The following FAT3 variants were observed in gnomAD, a reference collection of about 807,000 sequenced individuals.
FAT3 encodes FAT atypical cadherin 3.
FAT3 carries 95 observed loss-of-function variants against 310.2 expected under a neutral mutation model. The ratio of observed to expected loss-of-function variants is 0.31; its 90% confidence interval spans 0.26 to 0.36. The LOEUF is 0.36. Among genes scored for constraint, FAT3 ranks in the 10% least tolerant of loss-of-function variants. The pLI is 1.00. For synonymous variants in FAT3, 2,314 were observed against 2,192.9 expected (o/e 1.06, Z -1.54); for missense variants, 5,408 against 5,715.6 (o/e 0.95, Z 1.74).
chr11:92,260,257 C>T lies in FAT3; in HGVS notation c.-18+35083C>T, dbSNP rs934298438. Among the ~76,000 whole-genome samples, 170 of 151,756 alleles carry T rather than the reference C, an allele frequency of 1.1e-3. 12 individuals carry two copies. Among genetic ancestry groups the T allele is most frequent in the Non-Finnish European group, 2.9e-5 (2 of 67,914 alleles). ...TGGTGTGTGTGTGTGAGTGTACAAGCGTGTGTGTGTTTTAAGAGCGGTCAT... is the reference window on the plus strand; with the variant it reads ...TGGTGTGTGTGTGTGAGTGTACAAGTGTGTGTGTGTTTTAAGAGCGGTCAT... On this transcript the variant is annotated intron_variant, in intron 1 of 27. Coordinates refer to ENST00000525166, the MANE Select transcript of FAT3 (RefSeq NM_001367949.2).
chr11:92,728,822 G>T (rs548376042), intron 4 of FAT3, among the ~76,000 whole-genome samples: 3 of 152,056 alleles, frequency 2.0e-5, no homozygotes, highest in Non-Finnish European at 2.9e-5. Context: ...TTCCTCTTCC[G>T]AGTGTAACCT....
chr11:92,722,161 G>A (rs936608463), intron 4 of FAT3, among the ~76,000 whole-genome samples: 1 of 152,090 alleles, frequency 6.6e-6, no homozygotes, highest in Admixed American at 6.5e-5. Context: ...TTCCACCTAT[G>A]AGCCTGTAAA....
intron 3 of FAT3, among the ~76,000 whole-genome samples, chr11:92,605,728 T>TG (rs1940254772): frequency 1.3e-5 from 2 of 149,160 alleles, no homozygotes; most frequent in Non-Finnish European, 3.0e-5. Context: ...TGTTTTTTTT[T>TG]TTTTTTTTTT....
intron 2 of FAT3, among the ~76,000 whole-genome samples, chr11:92,479,389 T>C (rs764299145): frequency 1.1e-4 from 16 of 152,140 alleles, no homozygotes; most frequent in Non-Finnish European, 2.1e-4. Context: ...ATACAGCGAC[T>C]CCAAAGTTTT....
In FAT3 at chr11:92,800,051, C is replaced by G; in HGVS notation, c.7038C>G (p.Ile2346Met). 1 of 1,613,936 alleles carries G rather than the reference C, an allele frequency of 6.2e-7. No individual in the cohort carries two copies. Among genetic ancestry groups the G allele is most frequent in the Non-Finnish European group, 8.5e-7 (1 of 1,179,856 alleles). The stretch of plus-strand genomic sequence containing the variant: ...ACATAGATAGCTCAAGTGGCTTAAT[C>G]CTGACAGCACGAATGCTGGACCATG... ...YFHIDSSSGLILTARMLDHEL... is the reference protein window; with the variant it reads ...YFHIDSSSGLMLTARMLDHEL... The change falls in exon 10 of 28, where the codon ATC (isoleucine) becomes ATG (methionine). Residue 2346 changes from isoleucine to methionine, a missense_variant. Physicochemically the swap from Ile to Met is conservative, Grantham distance 10 (BLOSUM62 1). Coordinates refer to ENST00000525166, the MANE Select transcript of FAT3 (RefSeq NM_001367949.2).
intron 2 of FAT3, among the ~76,000 whole-genome samples, chr11:92,430,228 G>C (rs1950734869): frequency 6.6e-6 from 1 of 152,120 alleles, no homozygotes; most frequent in South Asian, 2.1e-4. Flanking sequence ...AGCTCCCTCA[G>C]GTCATTTATG....
intron 13 of FAT3, among the ~76,000 whole-genome samples, chr11:92,825,751 C>G (rs1948085315): frequency 1.3e-5 from 2 of 151,980 alleles, no homozygotes; most frequent in Admixed American, 6.6e-5. Flanking sequence ...AAGCCTGGAT[C>G]CAGAATTTTA....
chr11:92,787,006 G>T (rs888258504), intron 7 of FAT3, among the ~76,000 whole-genome samples: 4 of 152,100 alleles, frequency 2.6e-5, no homozygotes, highest in African/African-American at 7.2e-5. Flanking sequence ...TCTTGCGGGG[G>T]CTGTCCTGTG....
intron 2 of FAT3, among the ~76,000 whole-genome samples, chr11:92,451,834 A>G (rs1951359918): frequency 6.6e-6 from 1 of 152,198 alleles, no homozygotes; most frequent in African/African-American, 2.4e-5. Flanking sequence ...TTTAGATCAT[A>G]ATAATTGTGT....
chr11:92,882,257 G>T (rs1283365962), intron 23 of FAT3, among the ~76,000 whole-genome samples: 1 of 152,004 alleles, frequency 6.6e-6, no homozygotes, highest in Admixed American at 6.6e-5. Flanking sequence ...TTTGATTATG[G>T]GATACTACGG....
At chr11:92,608,211 C>A (rs925628849) in intron 3 of FAT3, among the ~76,000 whole-genome samples, 1 of 152,130 alleles carries the variant, frequency 6.6e-6, no homozygotes, top group Non-Finnish European at 1.5e-5. Context: ...AATTCTCTAA[C>A]CTTAGAATCT....
intron 19 of FAT3, among the ~76,000 whole-genome samples, chr11:92,854,875 G>A (rs1454156420): frequency 6.6e-6 from 1 of 152,188 alleles, no homozygotes; most frequent in Non-Finnish European, 1.5e-5. Context: ...TTATAAAGAG[G>A]TTTAGACTTA....
rs1004692680 is a variant in FAT3 at position 92,674,374 on chromosome 11, C to T, written c.3608-23010C>T. Among the ~76,000 whole-genome samples, 11 of 151,708 alleles carry T rather than the reference C, an allele frequency of 7.3e-5. No homozygotes were observed. The East Asian group carries it at 1.8e-3, about 24-fold the overall frequency. Reference sequence around the variant, plus strand: ...AGATTTATGGGTGTATACTATGATGCACAGGAAAGCATGGATTTTAGTGCT... The same window carrying T: ...AGATTTATGGGTGTATACTATGATGTACAGGAAAGCATGGATTTTAGTGCT... On this transcript the variant is annotated intron_variant, in intron 3 of 27. Transcript: ENST00000525166.
chr11:92,849,139 A>C (rs1054346486), intron 19 of FAT3, among the ~76,000 whole-genome samples: 2 of 152,222 alleles, frequency 1.3e-5, no homozygotes, highest in Non-Finnish European at 2.9e-5. Context: ...GGAAAGGTCA[A>C]TTGACTCACT....
At chr11:92,283,558 T>C (rs1946483353) in intron 1 of FAT3, among the ~76,000 whole-genome samples, 1 of 152,176 alleles carries the variant, frequency 6.6e-6, no homozygotes, top group Non-Finnish European at 1.5e-5. Flanking sequence ...CCAGTTTCTT[T>C]GGCAGCTTTT....
chr11:92,611,996 C>T (rs35848172), intron 3 of FAT3, among the ~76,000 whole-genome samples: 50 of 152,240 alleles, frequency 3.3e-4, no homozygotes, highest in Non-Finnish European at 6.3e-4. Flanking sequence ...CTAATAGCAA[C>T]CCCATTAGGA....
Position 92,799,890 on chromosome 11 carries a change from A to G in FAT3, c.6877A>G (p.Asn2293Asp). The part of the protein sequence containing the change: ...NPPIFDQPTY[N>D]TTLSEASLIG... ...CCCTATTTTCGATCAGCCTACATAC[A>G]ATACAACACTATCAGAAGCATCTCT... The change falls in exon 10 of 28, where the codon AAT (asparagine) becomes GAT (aspartate). Residue 2293 changes from asparagine (N) to aspartate (D), a missense_variant. This residue lies in a region of FAT3 where 4,588 missense variants were observed against 4,809.8 expected (regional missense o/e 0.95). Coordinates refer to ENST00000525166, the MANE Select transcript of FAT3 (RefSeq NM_001367949.2). 1 of 1,613,026 alleles carries G rather than the reference A, an allele frequency of 6.2e-7. No homozygotes were observed. Among genetic ancestry groups the G allele is most frequent in the African/African-American group, 1.3e-5 (1 of 75,038 alleles).
At chr11:92,815,775 G>T in intron 13 of FAT3, among the ~76,000 whole-genome samples, 1 of 152,306 alleles carries the variant, frequency 6.6e-6, no homozygotes, top group Middle Eastern at 3.4e-3. Context: ...CTGGCATGGA[G>T]AGGAAGATGA....
Position 92,801,512 on chromosome 11 carries a change from C to G in FAT3, c.8499C>G (p.Leu2833=). The stretch of plus-strand genomic sequence containing the variant: ...AAGGGATGCCTGTTGGCACCAAACT[C>G]ACACAAGTGAGAGCTATTGATATGG... ...IMEGMPVGTK[L]TQVRAIDMDW... is the part of the protein sequence containing the mutation. Residue 2833 remains leucine, a synonymous_variant, in exon 10 of 28, where the codon CTC becomes CTG. Transcript: ENST00000525166. The G allele has an allele frequency of 6.2e-7, 1 of 1,611,174 alleles. No homozygotes were observed. The highest frequency in any genetic ancestry group is 8.5e-7 in the Non-Finnish European group (1 of 1,178,542).
Sources: gnomAD v4.1 joint callset for allele counts (sites outside exome capture counted in the v4.1 genomes callset) on GRCh38, gnomAD v4.1.1 for gene constraint, gnomAD v4.1.1 regional missense constraint, MANE v1.5 for transcripts, NCBI Gene and HGNC (gene_info 2026-07-23, HGNC 2026-07-21) for gene names.